Variants in EPB41L4B observed in about 807,000 individuals in gnomAD.
The protein encoded by EPB41L4B is band 4.1-like protein 4B.
EPB41L4B carries 30 observed loss-of-function variants against 112.5 expected under a neutral mutation model. That is an observed-to-expected ratio of 0.27 (90% CI 0.20 to 0.36). EPB41L4B has a LOEUF of 0.36. EPB41L4B is among the 10% of genes least tolerant of loss of function. EPB41L4B has a pLI of 1.00. For synonymous variants in EPB41L4B, 408 were observed against 439.7 expected, an observed-to-expected ratio of 0.93 and a Z score of 0.90; for missense variants, 1,024 against 1,133.3, an observed-to-expected ratio of 0.90 and a Z score of 1.38.
At chr9:109,223,419 A>G (rs2118868830) in intron 15 of EPB41L4B, among the ~76,000 whole-genome samples, 1 of 146,506 alleles carries the variant, frequency 6.8e-6, no homozygotes, top group East Asian at 2.0e-4. Context: ...TTAGGCAAGG[A>G]GCAAGACCCT....
At chr9:109,263,602 G>T (rs557454280) in intron 5 of EPB41L4B, among the ~76,000 whole-genome samples, 1 of 152,330 alleles carries the variant, frequency 6.6e-6, no homozygotes, top group East Asian at 1.9e-4. Flanking sequence ...AGCCATAGAA[G>T]AGTACTACTG....
intron 1 of EPB41L4B, 82 bp downstream of exon 1, chr9:109,320,059 C>A: frequency 5.0e-6 from 6 of 1,211,370 alleles, no homozygotes; most frequent in Non-Finnish European, 6.4e-6. Context: ...AAGGGAAGCG[C>A]CCCCGATGCA....
chr9:109,276,061 T>C (rs1342977609), intron 2 of EPB41L4B, among the ~76,000 whole-genome samples: 1 of 147,976 alleles, frequency 6.8e-6, no homozygotes, highest in South Asian at 2.1e-4. Flanking sequence ...TATATGTATA[T>C]ACATAAATAT....
intron 15 of EPB41L4B, among the ~76,000 whole-genome samples, chr9:109,233,287 T>C (rs1024725027): frequency 1.3e-5 from 2 of 152,164 alleles, no homozygotes; most frequent in African/African-American, 2.4e-5. Context: ...ATTGAAACTT[T>C]AATTGTAACT....
chr9:109,244,400 G>A (rs925070664), intron 14 of EPB41L4B, among the ~76,000 whole-genome samples: 1 of 137,222 alleles, frequency 7.3e-6, no homozygotes, highest in African/African-American at 2.6e-5. Flanking sequence ...AAGGAAGAAA[G>A]AGAAAGAAGA....
intron 20 of EPB41L4B, among the ~76,000 whole-genome samples, chr9:109,199,715 A>G (rs1417487962): frequency 6.6e-6 from 1 of 152,186 alleles, no homozygotes; most frequent in Non-Finnish European, 1.5e-5. Flanking sequence ...AGGTTACAAA[A>G]GACTGTGCCT....
chr9:109,247,814 CAG>C (rs1834616698), intron 13 of EPB41L4B, 25 bp from the exon 14 acceptor site: 3 of 1,460,710 alleles, frequency 2.1e-6, no homozygotes, highest in African/African-American at 2.9e-5. Context: ...AAACAAAAAA[CAG>C]AAAAAAAAAG....
intron 20 of EPB41L4B, among the ~76,000 whole-genome samples, chr9:109,197,049 T>G (rs1415918872): frequency 6.6e-6 from 1 of 152,198 alleles, no homozygotes; most frequent in Non-Finnish European, 1.5e-5. Flanking sequence ...AAAAAATATT[T>G]TCCAGAAAAT....
chr9:109,221,976 T>C (rs1354735585), intron 15 of EPB41L4B, among the ~76,000 whole-genome samples: 1 of 151,944 alleles, frequency 6.6e-6, no homozygotes, highest in Non-Finnish European at 1.5e-5. Flanking sequence ...AAGAGTGCTG[T>C]GATTGATTAT....
chr9:109,297,648 C>G (rs145122528), intron 1 of EPB41L4B, among the ~76,000 whole-genome samples: 1 of 152,234 alleles, frequency 6.6e-6, no homozygotes, highest in East Asian at 1.9e-4. Context: ...AGCATCCCTG[C>G]GGCAATCAGA....
At chr9:109,311,116 G>A (rs1837398806) in intron 1 of EPB41L4B, among the ~76,000 whole-genome samples, 2 of 152,090 alleles carry the variant, frequency 1.3e-5, no homozygotes, top group Admixed American at 1.3e-4. Context: ...GACCAATGGT[G>A]GTGAAGGTTG....
At chr9:109,278,753 T>TA (rs1353758623) in intron 2 of EPB41L4B, among the ~76,000 whole-genome samples, 1 of 152,220 alleles carries the variant, frequency 6.6e-6, no homozygotes, top group Non-Finnish European at 1.5e-5. Flanking sequence ...TGCACTGCTT[T>TA]ATCCGCAATG....
chr9:109,213,187 G>A (rs1017232065), intron 17 of EPB41L4B, among the ~76,000 whole-genome samples: 4 of 152,284 alleles, frequency 2.6e-5, no homozygotes, highest in African/African-American at 9.6e-5. Flanking sequence ...ATCCAGCAGT[G>A]GTATGTATCG....
chr9:109,213,294 C>A (rs960560976), intron 17 of EPB41L4B, among the ~76,000 whole-genome samples: 8 of 152,252 alleles, frequency 5.3e-5, no homozygotes, highest in African/African-American at 1.4e-4. Context: ...TCTCCTTCTC[C>A]TTCTGTATCT....
At position 109,236,300 on chromosome 9, in the gene EPB41L4B, G is replaced by T. The variant is rs148365912; in HGVS notation, c.1409+7318C>A. Among the ~76,000 whole-genome samples, 24 of 152,184 alleles carry T rather than the reference G, an allele frequency of 1.6e-4. No homozygotes were observed. The East Asian group carries it at 3.7e-3, about 23-fold the overall frequency. On this transcript the variant is annotated intron_variant, in intron 15 of 25. Coordinates refer to ENST00000374566, the MANE Select transcript of EPB41L4B (RefSeq NM_019114.5). Reference sequence around the variant, plus strand: ...ATTAAAGCCATATAAAGAACCACTAGAATGCTCGCATTTTTCTGCTTCACC... The same window carrying T: ...ATTAAAGCCATATAAAGAACCACTATAATGCTCGCATTTTTCTGCTTCACC...
chr9:109,175,985 C>T (rs1831810878), intron 25 of EPB41L4B, among the ~76,000 whole-genome samples: 1 of 143,692 alleles, frequency 7.0e-6, no homozygotes, highest in African/African-American at 2.6e-5. Context: ...GAGGCCATCC[C>T]AGGATACCTT....
At chr9:109,195,546 G>A (rs931853993) in intron 20 of EPB41L4B, among the ~76,000 whole-genome samples, 2 of 152,188 alleles carry the variant, frequency 1.3e-5, no homozygotes, top group African/African-American at 4.8e-5. Context: ...GGTCAGATGG[G>A]TTACACGTTC....
Position 109,259,377 on chromosome 9 carries a change from C to T in EPB41L4B, c.632-1080G>A, listed in dbSNP as rs115340140. ...TTTTTGAATCCCTAGGTCTGGAACC[C>T]GGCCTAAGAACTGGCTTTTCTAACA... On this transcript the variant is annotated intron_variant, in intron 6 of 25. Transcript: ENST00000374566. Among the ~76,000 whole-genome samples, 1,142 of 152,306 alleles carry T rather than the reference C, an allele frequency of 7.5e-3. 9 individuals are homozygous for T. Among genetic ancestry groups the T allele is most frequent in the African/African-American group, 0.026 (1,094 of 41,554 alleles).
At chr9:109,269,287 G>C (rs911839933) in intron 2 of EPB41L4B, among the ~76,000 whole-genome samples, 1 of 152,210 alleles carries the variant, frequency 6.6e-6, no homozygotes, top group Non-Finnish European at 1.5e-5. Context: ...AGATCATTTT[G>C]CTCTGGTCAA....
Sources: gnomAD v4.1 joint callset for allele counts (sites outside exome capture counted in the v4.1 genomes callset) on GRCh38, gnomAD v4.1.1 for gene constraint, MANE v1.5 for transcripts, NCBI Gene and HGNC (gene_info 2026-07-23, HGNC 2026-07-21) for gene names.